Variants in RBMX observed in about 807,000 individuals in gnomAD.
The protein encoded by RBMX is RNA-binding motif protein, X chromosome.
In RBMX, 1 loss-of-function variant was observed where a neutral mutation model predicts 29.3. That is an observed-to-expected ratio of 0.03 (90% confidence interval 0.01 to 0.16). The LOEUF (loss-of-function observed/expected upper bound fraction) is 0.16. Among genes scored for constraint, RBMX ranks in the 10% least tolerant of loss-of-function variants. The pLI is 1.00. For synonymous variants in RBMX, 102 were observed against 102.3 expected (o/e 1.00, Z 0.02); for missense variants, 121 against 333.2 (o/e 0.36, Z 4.96).
chrX:136,871,524 G>C (rs1470392209), downstream of RBMX, among the ~76,000 whole-genome samples: 1 of 110,938 alleles, frequency 9.0e-6, no homozygotes, highest in South Asian at 3.8e-4. Flanking sequence ...ATGTTAAACA[G>C]GGAGCTTGCA....
In RBMX at chrX:136,877,816, T is replaced by C. The variant is rs772945036; in HGVS notation, c.388+99A>G. On this transcript the variant is annotated intron_variant, in intron 4 of 8. Coordinates refer to ENST00000320676, the MANE Select transcript of RBMX (RefSeq NM_002139.4). Reference sequence around the variant, plus strand: ...GAACAAGTGTTGTCAATTTCAAAAGTTGGCACCTTTCCTCAAGGACTTAAC... The same window carrying C: ...GAACAAGTGTTGTCAATTTCAAAAGCTGGCACCTTTCCTCAAGGACTTAAC... The C allele has an allele frequency of 1.5e-4, 123 of 832,500 alleles. No individual in the cohort carries two copies. In the South Asian group the frequency reaches 3.7e-3, roughly 25 times the overall value. 68.6% of individuals were successfully genotyped at this position (832,500 alleles called of 1,213,427 possible).
At chrX:136,876,716 GT>G (rs199725935) in intron 4 of RBMX, 61 bp from the exon 5 acceptor site, 27,780 of 763,614 alleles carry the variant, frequency 0.036, no homozygotes, top group East Asian at 0.05. Context: ...AGATATAAAA[GT>G]TTTTTTTTTT....
rs751127170 is a variant in RBMX at position 136,878,119 on chromosome X, G to T, written c.217-33C>A. On this transcript the variant is annotated intron_variant, in intron 3 of 8. Transcript: ENST00000320676. ...AAAAGATACGATTAAATTAAATCAA[G>T]ATTTAAAAATAATTTGCACATCTAC... 16 of 1,103,107 alleles carry T rather than the reference G, an allele frequency of 1.5e-5. No homozygotes were observed. In the South Asian group the frequency reaches 3.3e-4, roughly 23 times the overall value. The allele number at this position is 1,103,107 out of a possible 1,213,427, so 90.9% of individuals were successfully genotyped here.
downstream of RBMX, chrX:136,873,348 T>C: frequency 1.9e-6 from 1 of 522,330 alleles, no homozygotes; most frequent in Non-Finnish European, 2.3e-6. Context: ...TGGAGATAAC[T>C]TCATTGCTTA....
At chrX:136,871,175 G>A (rs1310346389), downstream of RBMX, among the ~76,000 whole-genome samples, 3 of 107,380 alleles carry the variant, frequency 2.8e-5, no homozygotes, top group Non-Finnish European at 5.8e-5. Context: ...GGCCAGGTGC[G>A]GTGGCTCATG....
At position 136,877,152 on chromosome X, in the gene RBMX, C is replaced by T. The variant is rs1210334988; in HGVS notation, c.389-497G>A. Among the ~76,000 whole-genome samples the T allele has an allele frequency of 5.5e-5, 6 of 109,134 alleles. 1 individual carries two copies. The South Asian group carries it at 1.2e-3, about 22-fold the overall frequency. 94.8% of individuals were successfully genotyped at this position (109,134 alleles called of 115,157 possible). A position where few individuals can be genotyped will look rare whatever the true frequency, so the allele number is the denominator to read the frequency against. ...TCAGGAGTTCAAGACCAGTCTAACA[C>T]GGTAAAATCCTGTCTCTACTAAAAA... On this transcript the variant is annotated intron_variant, in intron 4 of 8. Coordinates refer to ENST00000320676, the MANE Select transcript of RBMX (RefSeq NM_002139.4).
At chrX:136,871,166 G>A (rs998301510), downstream of RBMX, among the ~76,000 whole-genome samples, 2 of 108,124 alleles carry the variant, frequency 1.8e-5, no homozygotes, top group Non-Finnish European at 3.8e-5. Context: ...ACCATAGGCG[G>A]CCAGGTGCGG....
intron 3 of RBMX, 65 bp from the exon 4 acceptor site, chrX:136,878,151 C>G: frequency 1.2e-5 from 11 of 941,382 alleles, no homozygotes; most frequent in Non-Finnish European, 1.3e-5. Context: ...CTACTATGCA[C>G]TAAGACACTA....
chrX:136,877,784 G>T, intron 4 of RBMX, 131 bp downstream of exon 4: 2 of 563,419 alleles, frequency 3.5e-6, no homozygotes, highest in African/African-American at 2.3e-5. Context: ...CAATCACTTT[G>T]GTAGATGAAC....
rs973374742 is a variant in RBMX at position 136,878,605 on chromosome X, C to T, written c.216+412G>A. 9.6e-5 allele frequency among the ~76,000 whole-genome samples: 7 copies of T among 72,681 alleles called. 1 individual carries two copies. Among genetic ancestry groups the T allele is most frequent in the South Asian group, 1.9e-3 (2 of 1,068 alleles). 63.1% of individuals were successfully genotyped at this position (72,681 alleles called of 115,157 possible). On this transcript the variant is annotated intron_variant, in intron 3 of 8. Coordinates refer to ENST00000320676, the MANE Select transcript of RBMX (RefSeq NM_002139.4). ...TACTAAAAATACAAAGTTAGCCGGG[C>T]GTGGTCGCGCATGCCTGTAATCCCA...
intron 4 of RBMX, 65 bp from the exon 5 acceptor site, chrX:136,876,720 T>G (rs1327325790): frequency 6.0e-6 from 6 of 1,008,361 alleles, no homozygotes; most frequent in Non-Finnish European, 6.6e-6. Flanking sequence ...ATAAAAGTTT[T>G]TTTTTTTTTT....
intron 2 of RBMX, 85 bp downstream of exon 2, chrX:136,879,234 T>C: frequency 8.4e-7 from 1 of 1,194,482 alleles, no homozygotes. Flanking sequence ...AAATACATTA[T>C]CATGTCAGAC....
chrX:136,873,271 G>C, downstream of RBMX: 1 of 174,531 alleles, frequency 5.7e-6, no homozygotes, highest in Non-Finnish European at 9.2e-6. Context: ...ACAGGCATTT[G>C]ATGCTTTAAA....
At chrX:136,877,041 AAT>A (rs1269328484) in intron 4 of RBMX, among the ~76,000 whole-genome samples, 1 of 108,460 alleles carries the variant, frequency 9.2e-6, no homozygotes, top group Non-Finnish European at 1.9e-5. Flanking sequence ...CTTCATCAAG[AAT>A]ATGACCATTA....
chrX:136,873,104 T>C (rs1455303064), downstream of RBMX: 2 of 110,568 alleles, frequency 1.8e-5, no homozygotes, highest in South Asian at 3.8e-4. Context: ...TAATACGCTA[T>C]TGAATATTTC....
chrX:136,869,649 G>T (rs73566953), downstream of RBMX: 1 of 110,948 alleles, frequency 9.0e-6, no homozygotes, highest in African/African-American at 3.3e-5. Context: ...GTTGTCAAAT[G>T]AGAGTTAAAA....
chrX:136,872,355 T>C, downstream of RBMX: 1 of 1,160,187 alleles, frequency 8.6e-7, no homozygotes, highest in African/African-American at 1.8e-5. Flanking sequence ...CCTGCAAAAG[T>C]TAAATAAATG....
At chrX:136,870,784 C>CAA (rs1244678130), downstream of RBMX, among the ~76,000 whole-genome samples, 2 of 45,046 alleles carry the variant, frequency 4.4e-5, no homozygotes, top group African/African-American at 8.7e-5. Flanking sequence ...GAAGCCATCT[C>CAA]AAAAAAAAAA....
rs78845569 is a variant in RBMX, at chrX:136,873,989, C to G, written c.*153G>C. ...TAAACATGTTTTACTTTTTTCCTCA[C>G]AAGAACATAAAAATTATGGAGGGGA... On this transcript the variant is annotated 3_prime_UTR_variant, in exon 9 of 9. Transcript: ENST00000320676. 2.0e-5 allele frequency: 22 copies of G among 1,091,991 alleles called. No homozygotes were observed. Among genetic ancestry groups the G allele is most frequent in the Admixed American group, 3.9e-5 (1 of 25,642 alleles). 90.0% of individuals were successfully genotyped at this position (1,091,991 alleles called of 1,213,427 possible).
Sources: allele counts gnomAD v4.1 joint callset (sites outside exome capture counted in the v4.1 genomes callset), GRCh38; gene constraint gnomAD v4.1.1; transcripts MANE v1.5; gene names NCBI Gene and HGNC (gene_info 2026-07-23, HGNC 2026-07-21).